Variants in DMPK observed in about 807,000 individuals in gnomAD.
DMPK encodes the protein DM1 protein kinase.
A neutral mutation model predicts 70.3 loss-of-function variants in DMPK; 32 were observed. That is an observed-to-expected ratio of 0.46 (90% CI 0.34 to 0.61). The LOEUF is 0.61. Ranked by LOEUF, DMPK falls within the 20% of genes least tolerant of loss-of-function variation. The pLI is 0.01. For synonymous variants in DMPK, 469 were observed against 390.9 expected, an observed-to-expected ratio of 1.20 and a Z score of -2.36; for missense variants, 899 against 886.0, an observed-to-expected ratio of 1.01 and a Z score of -0.19.
Position 45,778,481 on chromosome 19 carries a change from T to C in DMPK, c.581+12A>G, listed in dbSNP as rs1255175565. ...AACAAGCTTGCTATCCCCTCGGCCA[T>C]GCTGCACCCACCTGTGCACGTAGCC... On this transcript the variant is annotated intron_variant, in intron 5 of 14. Transcript: ENST00000291270. 1 of 1,612,594 alleles carries C rather than the reference T, an allele frequency of 6.2e-7. No individual in the cohort carries two copies. Among genetic ancestry groups the C allele is most frequent in the Non-Finnish European group, 8.5e-7 (1 of 1,179,314 alleles).
intron 9 of DMPK, among the ~76,000 whole-genome samples, chr19:45,774,484 G>A (rs1026877156): frequency 4.0e-5 from 6 of 151,326 alleles, no homozygotes; most frequent in South Asian, 2.1e-4. Flanking sequence ...GGATGGTCTC[G>A]ATCTCCTGAC....
intron 4 of DMPK, chr19:45,779,051 ATCACC>A: frequency 3.3e-6 from 2 of 605,906 alleles, no homozygotes; most frequent in South Asian, 3.9e-5. Flanking sequence ...AGTCCCCCAG[ATCACC>A]CCAGAAACGG....
Position 45,780,590 on chromosome 19 carries a change from T to A in DMPK, c.161-721A>T, listed in dbSNP as rs564279709. ...AGCCTGGGTGGGGGACCAGCTGGGG[T>A]GGAGGCTTGTGGCTCAGGGACTGTG... is the stretch of plus-strand genomic sequence containing the variant. On this transcript the variant is annotated intron_variant, in intron 1 of 14. Coordinates refer to ENST00000291270, the MANE Select transcript of DMPK (RefSeq NM_004409.5). 5.9e-6 allele frequency: 6 copies of A among 1,022,038 alleles called. No individual in the cohort carries two copies. In the African/African-American group the frequency reaches 1.0e-4, roughly 18 times the overall value. The allele number at this position is 1,022,038 out of a possible 1,614,324, so 63.3% of individuals were successfully genotyped here. A position where few individuals can be genotyped will look rare whatever the true frequency, so the allele number is the denominator to read the frequency against.
chr19:45,777,606 GGAGGCGATA>G lies in DMPK; in HGVS notation c.883-25_883-17del. On this transcript the variant is annotated splice_polypyrimidine_tract_variant and intron_variant, in intron 7 of 14. Coordinates refer to ENST00000291270, the MANE Select transcript of DMPK (RefSeq NM_004409.5). This position sits in a 1 kb window ranked among gnomAD's most constrained non-coding sequence, Gnocchi z 6.7. ...AGAGGTGCTCCTGCTCAGAGGGAGA[GGAGGCGATA>G]GCCTGGGAGCGCCTACCGGGAGAGG... is the stretch of plus-strand genomic sequence containing the variant. 1 of 1,613,062 alleles carries G rather than the reference GGAGGCGATA, an allele frequency of 6.2e-7. No homozygotes were observed. Among genetic ancestry groups the G allele is most frequent in the Non-Finnish European group, 8.5e-7 (1 of 1,179,522 alleles).
At position 45,771,391 on chromosome 19, in the gene DMPK, TG is replaced by T; in HGVS notation, c.1605del (p.Thr536ArgfsTer15). 6.2e-7 allele frequency: 1 copy of T among 1,606,138 alleles called. No individual in the cohort carries two copies. The highest frequency in any genetic ancestry group is 8.5e-7 in the Non-Finnish European group (1 of 1,177,556). On this transcript the variant is annotated frameshift_variant, in exon 13 of 15. Coordinates refer to ENST00000291270, the MANE Select transcript of DMPK (RefSeq NM_004409.5). LOFTEE classifies it high-confidence loss of function. Reference protein sequence around the residue: ...ELLQAEGATAVTGVPSPRATD... With the variant: ...ELLQAEGATAXTGVPSPRATD... ...GTGGCCCGGGGACTGGGGACCCCCGTGACAGCTGGAAGGAGAAGAAAGAGGC... is the reference window on the plus strand; with the variant it reads ...GTGGCCCGGGGACTGGGGACCCCCGTACAGCTGGAAGGAGAAGAAAGAGGC...
chr19:45,773,886 G>A (rs139694707), intron 9 of DMPK, among the ~76,000 whole-genome samples: 358 of 151,148 alleles, frequency 2.4e-3, no homozygotes, highest in Middle Eastern at 3.6e-3. Flanking sequence ...GAAGCAATCC[G>A]TCCACTTCAG....
At chr19:45,780,148 C>A (rs931225462) in intron 1 of DMPK, 1 of 1,434,852 alleles carries the variant, frequency 7.0e-7, no homozygotes, top group Non-Finnish European at 9.1e-7. Context: ...GGTGGGGTAA[C>A]GGAGTCTGCA....
rs576273903 is a variant in DMPK at position 45,776,023 on chromosome 19, G to A, written c.1147-989C>T. On this transcript the variant is annotated intron_variant, in intron 8 of 14. Coordinates refer to ENST00000291270, the MANE Select transcript of DMPK (RefSeq NM_004409.5). ...TTTTTAGTAGAGACGGGGTTTCACC[G>A]TGTTGGCCAGCCTAGTCTCAAAACT... Among the ~76,000 whole-genome samples, 284 of 107,300 alleles carry A rather than the reference G, an allele frequency of 2.6e-3. 64 individuals carry two copies. Among genetic ancestry groups the A allele is most frequent in the African/African-American group, 8.7e-3 (275 of 31,720 alleles). The allele number at this position is 107,300 out of a possible 152,430, so 70.4% of individuals were successfully genotyped here.
rs748161989 is a variant in DMPK at position 45,782,355 on chromosome 19, T to G, written c.-3A>C. On this transcript the variant is annotated 5_prime_UTR_variant, in exon 1 of 15. Coordinates refer to ENST00000291270, the MANE Select transcript of DMPK (RefSeq NM_004409.5). ...CTCAGCCGCACCTCGGCTGACATGTTGGACAGGCAGCACCATGGCCCCTCC... is the reference window on the plus strand; with the variant it reads ...CTCAGCCGCACCTCGGCTGACATGTGGGACAGGCAGCACCATGGCCCCTCC... 8 of 1,567,774 alleles carry G rather than the reference T, an allele frequency of 5.1e-6. No individual in the cohort carries two copies. Among genetic ancestry groups the G allele is most frequent in the Non-Finnish European group, 6.0e-6 (7 of 1,157,632 alleles).
At position 45,774,977 on chromosome 19, in the gene DMPK, C is replaced by A; in HGVS notation, c.1204G>T (p.Gly402Cys). 2 of 1,613,956 alleles carry A rather than the reference C, an allele frequency of 1.2e-6. No homozygotes were observed. Residue 402 changes from glycine to cysteine, a missense_variant, in exon 9 of 15, where the codon GGC (glycine) becomes TGC (cysteine). Physicochemically the swap from Gly to Cys is radical, Grantham distance 159. This residue lies in a region of DMPK where 555 missense variants were observed against 483.8 expected (regional missense o/e 1.15). Coordinates refer to ENST00000291270, the MANE Select transcript of DMPK (RefSeq NM_004409.5). The part of the protein sequence containing the change: ...APLGVHLPFV[G>C]YSYSCMALRD... The stretch of plus-strand genomic sequence containing the variant: ...AGGGCCATGCAGGAGTAGGAGTAGC[C>A]CACAAAAGGCAGGTGGACCCCTAGC...
In DMPK at chr19:45,782,486, T is replaced by C; in HGVS notation, c.-134A>G. ...CCTGTCCCTGGCTGTCCCCTGGGCC[T>C]CTCTGGCCACTTCTCTCTGCGGCCG... On this transcript the variant is annotated 5_prime_UTR_variant, in exon 1 of 15. Transcript: ENST00000291270. The C allele has an allele frequency of 7.7e-6, 8 of 1,035,320 alleles. No individual in the cohort carries two copies. Among genetic ancestry groups the C allele is most frequent in the Non-Finnish European group, 1.1e-5 (8 of 745,818 alleles). The allele number at this position is 1,035,320 out of a possible 1,614,324, so 64.1% of individuals were successfully genotyped here.
At position 45,777,964 on chromosome 19, in the gene DMPK, G is replaced by GC. The variant is rs1030454205; in HGVS notation, c.676-92dup. The GC allele has an allele frequency of 3.7e-6, 5 of 1,342,380 alleles. No homozygotes were observed. In the African/African-American group the frequency reaches 7.3e-5, roughly 19 times the overall value. The allele number at this position is 1,342,380 out of a possible 1,614,324, so 83.2% of individuals were successfully genotyped here. On this transcript the variant is annotated intron_variant, in intron 6 of 14. Coordinates refer to ENST00000291270, the MANE Select transcript of DMPK (RefSeq NM_004409.5). This position sits in a 1 kb window ranked among gnomAD's most constrained non-coding sequence, Gnocchi z 6.7. The stretch of plus-strand genomic sequence containing the variant: ...CTTCCAACCACTCCCCAAATGCTTA[G>GC]CCCCTCCCTCTGCCTGGTCTAATAC...
chr19:45,770,420 G>A lies in DMPK; in HGVS notation c.*68C>T. On this transcript the variant is annotated 3_prime_UTR_variant, in exon 15 of 15. Coordinates refer to ENST00000291270, the MANE Select transcript of DMPK (RefSeq NM_004409.5). Reference sequence around the variant, plus strand: ...TGTGAACTGGCAGGCGGTGGGCGCGGCTTCTGTGCCGTGCCCCGGGCACTC... The same window carrying A: ...TGTGAACTGGCAGGCGGTGGGCGCGACTTCTGTGCCGTGCCCCGGGCACTC... The A allele has an allele frequency of 4.6e-6, 7 of 1,530,552 alleles. No individual in the cohort carries two copies. The highest frequency in any genetic ancestry group is 1.4e-5 in the African/African-American group (1 of 72,668). The allele number at this position is 1,530,552 out of a possible 1,614,324, so 94.8% of individuals were successfully genotyped here.
At chr19:45,770,794 C>T in intron 14 of DMPK, 154 bp from the exon 15 acceptor site, 2 of 1,039,172 alleles carry the variant, frequency 1.9e-6, no homozygotes, top group Non-Finnish European at 2.7e-6. Flanking sequence ...TCGCACGCCT[C>T]GAATCCCGTC....
rs1969959819 is a variant in DMPK at position 45,779,149 on chromosome 19, CCA to C, written c.432+113_432+114del. On this transcript the variant is annotated intron_variant, in intron 4 of 14. Transcript: ENST00000291270. ...ACCCTCTTACCGCACACAGACTTTC[CCA>C]CAGACGTTTCCGGGCAGCACCCCCA... 7 of 1,064,238 alleles carry C rather than the reference CCA, an allele frequency of 6.6e-6. No homozygotes were observed. In the South Asian group the frequency reaches 9.1e-5, roughly 14 times the overall value. The allele number at this position is 1,064,238 out of a possible 1,614,324, so 65.9% of individuals were successfully genotyped here. A position where few individuals can be genotyped will look rare whatever the true frequency, so the allele number is the denominator to read the frequency against.
At position 45,774,976 on chromosome 19, in the gene DMPK, C is replaced by T; in HGVS notation, c.1205G>A (p.Gly402Asp). 6.2e-7 allele frequency: 1 copy of T among 1,613,994 alleles called. No individual in the cohort carries two copies. The highest frequency in any genetic ancestry group is 8.5e-7 in the Non-Finnish European group (1 of 1,180,008). The change falls in exon 9 of 15, where the codon GGC becomes GAC. Residue 402 changes from glycine to aspartate, a missense_variant. Gly to Asp is a moderately conservative substitution (Grantham distance 94). Transcript: ENST00000291270. ...GAGGGCCATGCAGGAGTAGGAGTAG[C>T]CCACAAAAGGCAGGTGGACCCCTAG... The part of the protein sequence containing the change: ...APLGVHLPFV[G>D]YSYSCMALRD...
chr19:45,777,656 G>A lies in DMPK; in HGVS notation c.882+11C>T. On this transcript the variant is annotated intron_variant, in intron 7 of 14. Coordinates refer to ENST00000291270, the MANE Select transcript of DMPK (RefSeq NM_004409.5). This position sits in a 1 kb window ranked among gnomAD's most constrained non-coding sequence, Gnocchi z 6.7. The stretch of plus-strand genomic sequence containing the variant: ...CCGGGAGAGGCCAGGTCTCCCTGCG[G>A]CCGTGCTCACCTTGTAGTGGACGAT... The A allele has an allele frequency of 6.2e-7, 1 of 1,613,900 alleles. No individual in the cohort carries two copies. The highest frequency in any genetic ancestry group is 8.5e-7 in the Non-Finnish European group (1 of 1,180,018).
intron 9 of DMPK, 92 bp downstream of exon 9, chr19:45,774,857 T>G (rs969697146): frequency 9.9e-7 from 1 of 1,010,854 alleles, no homozygotes; most frequent in Admixed American, 1.8e-5. Context: ...GTTCCAAGAC[T>G]GATCCTGCAA....
At chr19:45,778,693 A>G (rs1462138454) in intron 4 of DMPK, 52 bp from the exon 5 acceptor site, 11 of 1,581,516 alleles carry the variant, frequency 7.0e-6, no homozygotes, top group Non-Finnish European at 8.6e-6. Context: ...GCCCTGATCC[A>G]TCACGGATGG....
Sources: allele counts gnomAD v4.1 joint callset (sites outside exome capture counted in the v4.1 genomes callset), GRCh38; gene constraint gnomAD v4.1.1; regional missense constraint gnomAD v4.1.1; non-coding constraint Gnocchi (gnomAD v3.1); transcripts MANE v1.5; gene names NCBI Gene and HGNC (gene_info 2026-07-23, HGNC 2026-07-21).